ARMH3: variants seen among roughly 807,000 people sequenced by gnomAD.
The protein encoded by ARMH3 is armadillo like helical domain containing 3.
A neutral mutation model predicts 99.1 loss-of-function variants in ARMH3; 60 were observed. The observed-to-expected ratio is 0.61, with a 90% CI of 0.49 to 0.75. The LOEUF (loss-of-function observed/expected upper bound fraction) is 0.75, where lower values mean the gene tolerates loss of function less well. ARMH3 is among the 30% of genes least tolerant of loss of function. The pLI, the probability that ARMH3 is intolerant of heterozygous loss-of-function variation, is 0.00. For synonymous variants in ARMH3, 285 were observed against 292.8 expected (o/e 0.97, Z 0.27); for missense variants, 679 against 843.1 (o/e 0.81, Z 2.41).
At position 101,970,843 on chromosome 10, in the gene ARMH3, C is replaced by T. The variant is rs1845734810; in HGVS notation, c.1495+4369G>A. On this transcript the variant is annotated intron_variant, in intron 20 of 25. Coordinates refer to ENST00000370033, the MANE Select transcript of ARMH3 (RefSeq NM_024541.3). Reference sequence around the variant, plus strand: ...AAAAATAAATAAATAGCCAAGCAGTCTGCTGGAGATGTAACAATGATTAAA... The same window carrying T: ...AAAAATAAATAAATAGCCAAGCAGTTTGCTGGAGATGTAACAATGATTAAA... Among the ~76,000 whole-genome samples the T allele has an allele frequency of 2.0e-5, 3 of 151,098 alleles. No individual in the cohort carries two copies. In the South Asian group the frequency reaches 6.3e-4, roughly 32 times the overall value.
At position 101,847,363 on chromosome 10, in the gene ARMH3, C is replaced by T; in HGVS notation, c.*165G>A. 2 of 654,078 alleles carry T rather than the reference C, an allele frequency of 3.1e-6. No individual in the cohort carries two copies. The highest frequency in any genetic ancestry group is 5.6e-5 in the East Asian group (2 of 36,022). 40.5% of individuals were successfully genotyped at this position (654,078 alleles called of 1,614,324 possible). A position where few individuals can be genotyped will look rare whatever the true frequency, so the allele number is the denominator to read the frequency against. On this transcript the variant is annotated 3_prime_UTR_variant, in exon 26 of 26. Transcript: ENST00000370033. ...TAAGATTATCCCTGGCTTGACCCTC[C>T]TGCCCCTGCTGCCCAAGCTCCATTG...
intron 22 of ARMH3, among the ~76,000 whole-genome samples, chr10:101,942,211 A>G (rs760229192): frequency 2.6e-5 from 4 of 152,206 alleles, no homozygotes; most frequent in Non-Finnish European, 5.9e-5. Context: ...TAGTACACAA[A>G]AATAATATGC....
chr10:102,031,778 C>T (rs1443497710), intron 4 of ARMH3, among the ~76,000 whole-genome samples: 1 of 152,008 alleles, frequency 6.6e-6, no homozygotes, highest in Non-Finnish European at 1.5e-5. Flanking sequence ...CTCGCTCTGT[C>T]GCCCAGGCTG....
intron 24 of ARMH3, among the ~76,000 whole-genome samples, chr10:101,864,076 AAAACACACAC>A (rs1268500095): frequency 4.7e-5 from 6 of 128,198 alleles, no homozygotes; most frequent in African/African-American, 1.7e-4. Flanking sequence ...AAAAAAAAAA[AAAACACACAC>A]ACACACACAC....
intron 24 of ARMH3, among the ~76,000 whole-genome samples, chr10:101,878,236 C>T (rs1048027145): frequency 6.6e-6 from 1 of 151,992 alleles, no homozygotes; most frequent in African/African-American, 2.4e-5. Context: ...CTGGCCTGGG[C>T]GACAGAGAGA....
intron 23 of ARMH3, among the ~76,000 whole-genome samples, chr10:101,931,136 G>GA (rs1843703097): frequency 6.6e-6 from 1 of 152,092 alleles, no homozygotes; most frequent in South Asian, 2.1e-4. Flanking sequence ...AAATATGTAG[G>GA]AAAAAACGGG....
At chr10:101,940,361 C>T (rs1443388028) in intron 22 of ARMH3, among the ~76,000 whole-genome samples, 1 of 152,122 alleles carries the variant, frequency 6.6e-6, no homozygotes, top group East Asian at 1.9e-4. Context: ...CCTTCCTGCT[C>T]TATGTATATG....
At chr10:101,993,722 C>T (rs983794962) in intron 16 of ARMH3, 119 bp from the exon 17 acceptor site, 2 of 651,676 alleles carry the variant, frequency 3.1e-6, no homozygotes, top group African/African-American at 3.7e-5. Flanking sequence ...AGCTGGACAG[C>T]TAATAGGATG....
chr10:101,910,993 A>C (rs1842844858), intron 23 of ARMH3, among the ~76,000 whole-genome samples: 1 of 152,042 alleles, frequency 6.6e-6, no homozygotes, highest in Admixed American at 6.6e-5. Context: ...TACAAAAATT[A>C]GCCAGATGAG....
chr10:101,875,031 C>T (rs989078941), intron 24 of ARMH3, among the ~76,000 whole-genome samples: 2 of 152,150 alleles, frequency 1.3e-5, no homozygotes, highest in Admixed American at 1.3e-4. Flanking sequence ...CCTGGCTTGG[C>T]ACAGCGTACA....
chr10:102,053,236 AAAAG>A (rs2067751538), intron 1 of ARMH3, among the ~76,000 whole-genome samples: 2 of 151,266 alleles, frequency 1.3e-5, no homozygotes, highest in South Asian at 2.1e-4. Flanking sequence ...AAAAAAAAAA[AAAAG>A]AGAAAAAAAT....
chr10:101,928,842 T>C (rs1378752561), intron 23 of ARMH3, among the ~76,000 whole-genome samples: 2 of 152,150 alleles, frequency 1.3e-5, no homozygotes, highest in Non-Finnish European at 2.9e-5. Flanking sequence ...GCCATTCTCC[T>C]GCCTCAGCCT....
chr10:102,034,226 T>G (rs1037373948), intron 2 of ARMH3, among the ~76,000 whole-genome samples: 2 of 152,158 alleles, frequency 1.3e-5, no homozygotes, highest in Non-Finnish European at 2.9e-5. Context: ...ATTTCTTAAT[T>G]TAAATTGGTC....
At chr10:101,898,526 G>A (rs896596020) in intron 23 of ARMH3, among the ~76,000 whole-genome samples, 4 of 152,158 alleles carry the variant, frequency 2.6e-5, no homozygotes, top group African/African-American at 4.8e-5. Context: ...AGAACATGGC[G>A]ATTGTTTCAT....
intron 1 of ARMH3, among the ~76,000 whole-genome samples, chr10:102,042,801 A>G (rs1423635067): frequency 6.6e-6 from 1 of 152,256 alleles, no homozygotes; most frequent in Non-Finnish European, 1.5e-5. Flanking sequence ...GGCCGGGTGC[A>G]GTGGCTCACG....
At chr10:102,005,847 T>C (rs1459954888) in intron 14 of ARMH3, among the ~76,000 whole-genome samples, 5 of 152,200 alleles carry the variant, frequency 3.3e-5, no homozygotes, top group Admixed American at 6.5e-5. Flanking sequence ...TTGAGGGAGA[T>C]AAATCTTACG....
At chr10:102,028,059 A>T (rs1327411185) in intron 5 of ARMH3, among the ~76,000 whole-genome samples, 6 of 151,232 alleles carry the variant, frequency 4.0e-5, no homozygotes, top group Admixed American at 1.3e-4. Context: ...TCCAAAAAAA[A>T]AAAATAAAGA....
chr10:102,020,545 G>A (rs1272441605), intron 8 of ARMH3, among the ~76,000 whole-genome samples: 5 of 151,950 alleles, frequency 3.3e-5, no homozygotes, highest in African/African-American at 1.2e-4. Context: ...AATTAGCCAG[G>A]CGTGGTGGCG....
chr10:101,858,720 C>T (rs1335316632), intron 24 of ARMH3, among the ~76,000 whole-genome samples: 7 of 152,076 alleles, frequency 4.6e-5, no homozygotes, highest in Non-Finnish European at 1.0e-4. Flanking sequence ...AGCAGGTGGA[C>T]GCAGGCAGAG....
Sources: allele counts gnomAD v4.1 joint callset (sites outside exome capture counted in the v4.1 genomes callset), GRCh38; gene constraint gnomAD v4.1.1; transcripts MANE v1.5; gene names NCBI Gene and HGNC (gene_info 2026-07-23, HGNC 2026-07-21).